The following CLOCK variants were observed in gnomAD, a reference collection of about 807,000 sequenced individuals.
CLOCK encodes circadian locomoter output cycles protein kaput.
A neutral mutation model predicts 118.4 loss-of-function variants in CLOCK; 43 were observed. The ratio of observed to expected loss-of-function variants is 0.36; its 90% CI spans 0.28 to 0.47. CLOCK has a LOEUF of 0.47. Ranked by LOEUF, CLOCK falls within the 20% of genes least tolerant of loss-of-function variation. The pLI, the probability that CLOCK is intolerant of heterozygous loss-of-function variation, is 1.00. For synonymous variants in CLOCK, 326 were observed against 339.2 expected (o/e 0.96, Z 0.43); for missense variants, 846 against 999.9 (o/e 0.85, Z 2.08).
rs1722541534 is a variant in CLOCK at position 55,432,025 on chromosome 4, ATGTTC to A, written c.*3385_*3389del. 1 of 152,182 alleles carries A rather than the reference ATGTTC, an allele frequency of 6.6e-6. No homozygotes were observed. The highest frequency in any genetic ancestry group is 2.4e-5 in the African/African-American group (1 of 41,440). The allele number at this position is 152,182 out of a possible 1,614,324, so 9.4% of individuals were successfully genotyped here. Reference sequence around the variant, plus strand: ...AAACATTTTCACTATTTTGCACTGAATGTTCTATAACAAACTATTCCAAATCACTG... The same window carrying A: ...AAACATTTTCACTATTTTGCACTGAATATAACAAACTATTCCAAATCACTG... On this transcript the variant is annotated 3_prime_UTR_variant, in exon 23 of 23. Transcript: ENST00000513440.
At chr4:55,444,314 A>C (rs963798825) in intron 19 of CLOCK, among the ~76,000 whole-genome samples, 1 of 152,222 alleles carries the variant, frequency 6.6e-6, no homozygotes, top group Non-Finnish European at 1.5e-5. Context: ...TGATTGATTT[A>C]TAAATTCTGT....
intron 1 of CLOCK, among the ~76,000 whole-genome samples, chr4:55,521,502 G>A (rs1379329561): frequency 2.6e-5 from 4 of 152,198 alleles, no homozygotes; most frequent in Admixed American, 2.6e-4. Context: ...GCAGGCGTGC[G>A]TCAACACACC....
chr4:55,518,712 G>A (rs1005186684), intron 1 of CLOCK, among the ~76,000 whole-genome samples: 1 of 152,180 alleles, frequency 6.6e-6, no homozygotes, highest in African/African-American at 2.4e-5. Flanking sequence ...GCACCAGAAT[G>A]GGCCTTCACC....
chr4:55,470,006 T>C (rs1473733517), intron 8 of CLOCK, among the ~76,000 whole-genome samples: 2 of 152,116 alleles, frequency 1.3e-5, no homozygotes, highest in Non-Finnish European at 2.9e-5. Context: ...AGTAAAAAAG[T>C]TAAAAAAAAA....
chr4:55,447,869 T>C (rs1461476118), intron 18 of CLOCK, among the ~76,000 whole-genome samples: 1 of 152,188 alleles, frequency 6.6e-6, no homozygotes, highest in Non-Finnish European at 1.5e-5. Context: ...ACAGAAAAGT[T>C]GAAGAAAAAT....
intron 2 of CLOCK, among the ~76,000 whole-genome samples, chr4:55,500,260 T>C (rs1288521831): frequency 6.6e-6 from 1 of 152,210 alleles, no homozygotes. Flanking sequence ...TCAGTTTGCC[T>C]ATTACTGTTT....
chr4:55,454,054 A>G (rs953423792), intron 13 of CLOCK, among the ~76,000 whole-genome samples: 2 of 152,148 alleles, frequency 1.3e-5, no homozygotes, highest in Non-Finnish European at 2.9e-5. Flanking sequence ...TGATCTTACA[A>G]TCTTTCCATA....
chr4:55,452,965 T>C, intron 15 of CLOCK, 89 bp downstream of exon 15: 4 of 912,084 alleles, frequency 4.4e-6, no homozygotes, highest in Non-Finnish European at 6.8e-6. Flanking sequence ...TAAAGTATTT[T>C]TGAAAAATAG....
At chr4:55,508,324 T>C (rs1728936163) in intron 2 of CLOCK, among the ~76,000 whole-genome samples, 1 of 152,230 alleles carries the variant, frequency 6.6e-6, no homozygotes, top group Non-Finnish European at 1.5e-5. Flanking sequence ...TTCCCACATA[T>C]TCATTTTAGA....
At chr4:55,513,805 GT>G in intron 1 of CLOCK, among the ~76,000 whole-genome samples, 1 of 152,052 alleles carries the variant, frequency 6.6e-6, no homozygotes, top group East Asian at 1.9e-4. Flanking sequence ...GTTTATCAGA[GT>G]TTTGAAGTTT....
chr4:55,474,688 C>T (rs1726378609), intron 7 of CLOCK, among the ~76,000 whole-genome samples: 1 of 152,076 alleles, frequency 6.6e-6, no homozygotes, highest in South Asian at 2.1e-4. Context: ...TCTGAAAGTC[C>T]CAAAGCCCTT....
intron 2 of CLOCK, among the ~76,000 whole-genome samples, chr4:55,498,019 G>A (rs1273817401): frequency 6.6e-6 from 1 of 151,686 alleles, no homozygotes; most frequent in African/African-American, 2.4e-5. Flanking sequence ...AATTTCATTA[G>A]TACTATAAAT....
At chr4:55,460,155 G>T (rs940002387) in intron 9 of CLOCK, among the ~76,000 whole-genome samples, 3 of 151,990 alleles carry the variant, frequency 2.0e-5, no homozygotes, top group Admixed American at 6.6e-5. Flanking sequence ...CATTTGTATC[G>T]TTAACTTCAA....
In CLOCK at chr4:55,435,202, A is replaced by G. The variant is rs1801260; in HGVS notation, c.*213T>C. 155,664 of 587,320 alleles carry G rather than the reference A, an allele frequency of 0.27. 21,892 individuals are homozygous for G. The highest frequency in any genetic ancestry group is 0.36 in the South Asian group (18,260 of 50,694). The allele number at this position is 587,320 out of a possible 1,614,324, so 36.4% of individuals were successfully genotyped here. A position where few individuals can be genotyped will look rare whatever the true frequency, so the allele number is the denominator to read the frequency against. Reference sequence around the variant, plus strand: ...ACCTAAAACACTGTCAGAACTGGCTATGCCCCTATGATCACCTCCTGCTGG... The same window carrying G: ...ACCTAAAACACTGTCAGAACTGGCTGTGCCCCTATGATCACCTCCTGCTGG... On this transcript the variant is annotated 3_prime_UTR_variant, in exon 23 of 23. Coordinates refer to ENST00000513440, the MANE Select transcript of CLOCK (RefSeq NM_004898.4).
At chr4:55,544,330 A>C (rs569900956) in intron 1 of CLOCK, among the ~76,000 whole-genome samples, 4 of 152,322 alleles carry the variant, frequency 2.6e-5, no homozygotes, top group Admixed American at 2.0e-4. Flanking sequence ...CATCCTCCTC[A>C]TAATTGTTTG....
intron 1 of CLOCK, among the ~76,000 whole-genome samples, chr4:55,515,070 T>C (rs897364441): frequency 1.3e-5 from 2 of 152,216 alleles, no homozygotes; most frequent in Non-Finnish European, 2.9e-5. Context: ...TTAATAGATA[T>C]AGGCCTATTC....
Position 55,435,337 on chromosome 4 carries a change from C to T in CLOCK, c.*78G>A. 1 of 1,549,434 alleles carries T rather than the reference C, an allele frequency of 6.5e-7. No homozygotes were observed. The highest frequency in any genetic ancestry group is 8.9e-7 in the Non-Finnish European group (1 of 1,123,536). On this transcript the variant is annotated 3_prime_UTR_variant, in exon 23 of 23. Coordinates refer to ENST00000513440, the MANE Select transcript of CLOCK (RefSeq NM_004898.4). ...TCATGAAACTGCTGGAACTTTCCCT[C>T]CTTTCCTCAGGTCATCTGAGTAACT...
At chr4:55,483,734 T>TA (rs1727096075) in intron 3 of CLOCK, among the ~76,000 whole-genome samples, 1 of 152,310 alleles carries the variant, frequency 6.6e-6, no homozygotes, top group Admixed American at 6.5e-5. Flanking sequence ...TGTTACAATT[T>TA]AAAGTTATAA....
rs1730909974 is a variant in CLOCK, at chr4:55,536,541, C to T, written c.-290+10241G>A. On this transcript the variant is annotated intron_variant, in intron 1 of 22. Transcript: ENST00000513440. ...CCTTGCTCTCTTGCTCCCACTCTTGCCTTGTCATGCACCTGCTCTCCCTTC... is the reference window on the plus strand; with the variant it reads ...CCTTGCTCTCTTGCTCCCACTCTTGTCTTGTCATGCACCTGCTCTCCCTTC... Among the ~76,000 whole-genome samples, 2 of 152,148 alleles carry T rather than the reference C, an allele frequency of 1.3e-5. 1 individual carries two copies. The highest frequency in any genetic ancestry group is 4.8e-5 in the African/African-American group (2 of 41,428).
Sources: gnomAD v4.1 joint callset for allele counts (sites outside exome capture counted in the v4.1 genomes callset) on GRCh38, gnomAD v4.1.1 for gene constraint, MANE v1.5 for transcripts, NCBI Gene and HGNC (gene_info 2026-07-23, HGNC 2026-07-21) for gene names.